The following ADARB2 variants were observed in gnomAD, a reference collection of about 807,000 sequenced individuals.
The protein encoded by ADARB2 is inactive double-stranded RNA-specific editase B2.
ADARB2 carries 25 observed loss-of-function variants against 62.2 expected under a neutral mutation model. The observed-to-expected ratio is 0.40, with a 90% CI of 0.29 to 0.56. The LOEUF (loss-of-function observed/expected upper bound fraction) is 0.56, where lower values mean the gene tolerates loss of function less well. Among genes scored for constraint, ADARB2 ranks in the 20% least tolerant of loss-of-function variants. The pLI is 0.43. For synonymous variants in ADARB2, 572 were observed against 500.8 expected (o/e 1.14, Z -1.90); for missense variants, 1,071 against 1,077.4 (o/e 0.99, Z 0.08).
intron 1 of ADARB2, among the ~76,000 whole-genome samples, chr10:1,481,667 G>A (rs1353549370): frequency 2.6e-5 from 4 of 151,898 alleles, no homozygotes; most frequent in Admixed American, 1.3e-4. Flanking sequence ...GACCAGCCTG[G>A]CCAACATGGT....
At chr10:1,412,409 GT>G (rs1397638210) in intron 1 of ADARB2, among the ~76,000 whole-genome samples, 1 of 151,646 alleles carries the variant, frequency 6.6e-6, no homozygotes, top group Non-Finnish European at 1.5e-5. Flanking sequence ...ATAAATCCAT[GT>G]TTAAATGAAA....
chr10:1,458,570 C>T (rs61834364), intron 1 of ADARB2, among the ~76,000 whole-genome samples: 18,651 of 152,202 alleles, frequency 0.12, 1,400 homozygotes, highest in African/African-American at 0.21. Context: ...GGAGGCCCCG[C>T]AGACCCCTTC....
rs183249406 is a variant in ADARB2, at chr10:1,726,768, G to A, written c.100+10283C>T. On this transcript the variant is annotated intron_variant, in intron 1 of 9. Transcript: ENST00000381312. The stretch of plus-strand genomic sequence containing the variant: ...AGCTGGGGACCTGCTTGCAGGTGAG[G>A]GAGACTGGAGAGCAGCTGTGCATTC... 1.7e-3 allele frequency among the ~76,000 whole-genome samples: 252 copies of A among 152,288 alleles called. 1 individual carries two copies. The highest frequency in any genetic ancestry group is 5.9e-3 in the African/African-American group (246 of 41,564).
At chr10:1,674,706 C>T (rs1834439319) in intron 1 of ADARB2, among the ~76,000 whole-genome samples, 1 of 152,200 alleles carries the variant, frequency 6.6e-6, no homozygotes, top group African/African-American at 2.4e-5. Flanking sequence ...TCACCTTCCA[C>T]TCACTCATCA....
chr10:1,392,949 T>C (rs1212022645), intron 1 of ADARB2, among the ~76,000 whole-genome samples: 1 of 151,996 alleles, frequency 6.6e-6, no homozygotes, highest in Non-Finnish European at 1.5e-5. Context: ...GGTAATTGTG[T>C]TCAAAAAAAA....
chr10:1,460,693 A>G (rs1378960406), intron 1 of ADARB2, among the ~76,000 whole-genome samples: 29 of 104,556 alleles, frequency 2.8e-4, no homozygotes, highest in African/African-American at 4.5e-4. Flanking sequence ...TACCTGTGTA[A>G]CAAACCTGCC....
chr10:1,606,249 T>C (rs965508030), intron 1 of ADARB2, among the ~76,000 whole-genome samples: 1 of 152,156 alleles, frequency 6.6e-6, no homozygotes, highest in Non-Finnish European at 1.5e-5. Context: ...GTTCTCGAAG[T>C]TCTCCTCACA....
intron 1 of ADARB2, among the ~76,000 whole-genome samples, chr10:1,425,467 C>T (rs1832886777): frequency 6.6e-6 from 1 of 152,156 alleles, no homozygotes; most frequent in African/African-American, 2.4e-5. Context: ...TCAAGCAATA[C>T]CTGAAGTATC....
intron 1 of ADARB2, among the ~76,000 whole-genome samples, chr10:1,399,992 C>T (rs1018609094): frequency 2.0e-5 from 3 of 152,194 alleles, no homozygotes; most frequent in Admixed American, 1.3e-4. Context: ...ATTTCTGTCT[C>T]TTATTTTGGA....
Position 1,729,073 on chromosome 10 carries a change from GA to G in ADARB2, c.100+7977del, listed in dbSNP as rs564750072. ...CTCCTTGAGCCATGTATTTTGGATTGAAAACTCTGTTAGAATTCTTTGAGAG... is the reference window on the plus strand; with the variant it reads ...CTCCTTGAGCCATGTATTTTGGATTGAAACTCTGTTAGAATTCTTTGAGAG... On this transcript the variant is annotated intron_variant, in intron 1 of 9. Coordinates refer to ENST00000381312, the MANE Select transcript of ADARB2 (RefSeq NM_018702.4). 4.6e-3 allele frequency among the ~76,000 whole-genome samples: 694 copies of G among 152,312 alleles called. 5 individuals carry two copies. Among genetic ancestry groups the G allele is most frequent in the African/African-American group, 0.016 (652 of 41,576 alleles).
intron 1 of ADARB2, among the ~76,000 whole-genome samples, chr10:1,608,623 AAG>A (rs1329188017): frequency 3.3e-5 from 5 of 150,942 alleles, no homozygotes; most frequent in African/African-American, 7.3e-5. Flanking sequence ...AGGAAGAAAA[AAG>A]AGAAATGAAG....
intron 1 of ADARB2, among the ~76,000 whole-genome samples, chr10:1,576,730 A>C (rs1226189250): frequency 6.6e-6 from 1 of 152,144 alleles, no homozygotes; most frequent in Non-Finnish European, 1.5e-5. Flanking sequence ...TGAAGCTTTG[A>C]GCCCTGAAAC....
intron 1 of ADARB2, among the ~76,000 whole-genome samples, chr10:1,712,763 G>A (rs556774171): frequency 1.7e-4 from 16 of 92,870 alleles, no homozygotes; most frequent in African/African-American, 7.0e-4. Context: ...CTCCCACCAC[G>A]ACGCCCAACT....
chr10:1,732,056 TAGG>T (rs1835240074), intron 1 of ADARB2, among the ~76,000 whole-genome samples: 1 of 152,194 alleles, frequency 6.6e-6, no homozygotes. Flanking sequence ...ATTTTGGTTT[TAGG>T]AGTTGTTCAA....
At chr10:1,266,374 C>T (rs1023513262) in intron 4 of ADARB2, among the ~76,000 whole-genome samples, 29 of 152,232 alleles carry the variant, frequency 1.9e-4, no homozygotes, top group African/African-American at 6.8e-4. Context: ...GCATCCTGCT[C>T]TCTGGGGAGA....
At chr10:1,226,876 C>G (rs1210312170) in intron 6 of ADARB2, among the ~76,000 whole-genome samples, 4 of 121,346 alleles carry the variant, frequency 3.3e-5, no homozygotes, top group Admixed American at 3.1e-4. Context: ...GCAGTCCACC[C>G]GATCTCAGCT....
At chr10:1,403,203 T>C (rs902663852) in intron 1 of ADARB2, among the ~76,000 whole-genome samples, 1 of 152,184 alleles carries the variant, frequency 6.6e-6, no homozygotes, top group African/African-American at 2.4e-5. Flanking sequence ...TGCTCAACTT[T>C]TCAGTTCCAA....
At chr10:1,659,484 G>A (rs965384200) in intron 1 of ADARB2, among the ~76,000 whole-genome samples, 12 of 152,248 alleles carry the variant, frequency 7.9e-5, no homozygotes, top group Non-Finnish European at 1.8e-4. Flanking sequence ...GTGGGAGCGG[G>A]GTGATCCCTC....
rs561555697 is a variant in ADARB2, at chr10:1,302,200, G to T, written c.1078-31131C>A. Among the ~76,000 whole-genome samples the T allele has an allele frequency of 2.4e-3, 372 of 152,352 alleles. 1 individual carries two copies. Among genetic ancestry groups the T allele is most frequent in the African/African-American group, 8.7e-3 (360 of 41,586 alleles). On this transcript the variant is annotated intron_variant, in intron 3 of 9. Transcript: ENST00000381312. ...CGTGCGCGAGCCGAAGCAGGGCGAGGCATTGCCTCACTTGGGAAGCGCAAG... is the reference window on the plus strand; with the variant it reads ...CGTGCGCGAGCCGAAGCAGGGCGAGTCATTGCCTCACTTGGGAAGCGCAAG...
Sources: gnomAD v4.1 joint callset for allele counts (sites outside exome capture counted in the v4.1 genomes callset) on GRCh38, gnomAD v4.1.1 for gene constraint, MANE v1.5 for transcripts, NCBI Gene and HGNC (gene_info 2026-07-23, HGNC 2026-07-21) for gene names.